RUNX1: variants seen among roughly 807,000 people sequenced by gnomAD.
RUNX1 encodes the protein runt-related transcription factor 1.
Under a neutral mutation model 42.8 loss-of-function variants are expected in RUNX1, and 19 were observed. The ratio of observed to expected loss-of-function variants is 0.44; its 90% CI spans 0.31 to 0.65. The LOEUF (loss-of-function observed/expected upper bound fraction) is 0.65. Among genes scored for constraint, RUNX1 ranks in the 30% least tolerant of loss-of-function variants. The pLI is 0.07. For synonymous variants in RUNX1, 271 were observed against 289.4 expected, an observed-to-expected ratio of 0.94 and a Z score of 0.64; for missense variants, 528 against 672.0, an observed-to-expected ratio of 0.79 and a Z score of 2.37.
chr21:34,826,603 A>AT (rs369414974), intron 7 of RUNX1, among the ~76,000 whole-genome samples: 317 of 143,108 alleles, frequency 2.2e-3, no homozygotes, highest in Middle Eastern at 7.0e-3. Context: ...TGCCCAGCTA[A>AT]TTTTTTTTTT....
At chr21:35,045,982 C>T (rs2059393428) in intron 2 of RUNX1, among the ~76,000 whole-genome samples, 1 of 152,152 alleles carries the variant, frequency 6.6e-6, no homozygotes, top group South Asian at 2.1e-4. Flanking sequence ...ACAAGGCTAC[C>T]TGAGCCATTT....
chr21:34,840,620 C>A (rs1396265556), intron 6 of RUNX1, among the ~76,000 whole-genome samples: 11 of 372 alleles, frequency 0.03, no homozygotes, highest in African/African-American at 0.1. Context: ...AGGCAGACAC[C>A]TGGCTGCGGG....
chr21:35,033,912 C>T (rs1417225172), intron 2 of RUNX1, among the ~76,000 whole-genome samples: 1 of 152,132 alleles, frequency 6.6e-6, no homozygotes, highest in African/African-American at 2.4e-5. Context: ...TTATTACTTC[C>T]AATAATTTTA....
intron 2 of RUNX1, among the ~76,000 whole-genome samples, chr21:34,909,587 T>TAAAAAAAAAAAAAA (rs2058254555): frequency 1.4e-5 from 1 of 71,536 alleles, no homozygotes. Context: ...TCACTGTTCC[T>TAAAAAAAAAAAAAA]CAAAAAAAAA....
chr21:34,837,429 C>T (rs562475664), intron 6 of RUNX1, among the ~76,000 whole-genome samples: 9 of 152,130 alleles, frequency 5.9e-5, no homozygotes, highest in African/African-American at 1.9e-4. Context: ...CAAGCTAGAT[C>T]GAAGGAACAT....
intron 2 of RUNX1, among the ~76,000 whole-genome samples, chr21:34,919,658 TTTC>T (rs2058339393): frequency 1.3e-5 from 2 of 152,226 alleles, no homozygotes; most frequent in African/African-American, 2.4e-5. Context: ...ATAAAAATAC[TTTC>T]TTCTTCGATT....
chr21:34,997,166 G>A (rs1358683302), intron 2 of RUNX1, among the ~76,000 whole-genome samples: 1 of 152,218 alleles, frequency 6.6e-6, no homozygotes, highest in African/African-American at 2.4e-5. Context: ...TGAATTAAAA[G>A]CATGAATGAA....
chr21:35,021,356 CTAAA>C (rs998239709), intron 2 of RUNX1, among the ~76,000 whole-genome samples: 47 of 152,302 alleles, frequency 3.1e-4, no homozygotes, highest in African/African-American at 1.1e-3. Flanking sequence ...TATGAACTAA[CTAAA>C]TAAATGGTCT....
chr21:34,998,873 C>G (rs968313378), intron 2 of RUNX1, among the ~76,000 whole-genome samples: 1 of 152,168 alleles, frequency 6.6e-6, no homozygotes, highest in South Asian at 2.1e-4. Flanking sequence ...AAACCACAAA[C>G]GCTCTCACCC....
chr21:34,874,362 C>A (rs1004739848), intron 5 of RUNX1, among the ~76,000 whole-genome samples: 5 of 151,644 alleles, frequency 3.3e-5, no homozygotes, highest in Non-Finnish European at 7.4e-5. Context: ...GTAATCCCAG[C>A]ACTTTGGGAG....
intron 2 of RUNX1, among the ~76,000 whole-genome samples, chr21:34,943,683 A>G (rs933968144): frequency 6.6e-6 from 1 of 152,170 alleles, no homozygotes; most frequent in African/African-American, 2.4e-5. Flanking sequence ...AGACTCAGAG[A>G]TAAATAAAAT....
At chr21:34,797,290 C>A (rs762068446) in intron 8 of RUNX1, among the ~76,000 whole-genome samples, 3 of 152,228 alleles carry the variant, frequency 2.0e-5, no homozygotes, top group Non-Finnish European at 4.4e-5. Context: ...ATAAAATGTT[C>A]TCTCTTACTC....
chr21:34,863,520 T>C (rs1258204408), intron 5 of RUNX1, among the ~76,000 whole-genome samples: 2 of 152,044 alleles, frequency 1.3e-5, no homozygotes, highest in African/African-American at 4.8e-5. Context: ...TGAATGGTCA[T>C]TATCTGAATT....
chr21:34,988,201 T>G (rs2058906804), intron 2 of RUNX1, among the ~76,000 whole-genome samples: 1 of 152,118 alleles, frequency 6.6e-6, no homozygotes, highest in African/African-American at 2.4e-5. Context: ...CCAAGGAAGA[T>G]CAGAGAAGCC....
At chr21:34,894,476 T>C in intron 2 of RUNX1, among the ~76,000 whole-genome samples, 1 of 151,770 alleles carries the variant, frequency 6.6e-6, no homozygotes, top group East Asian at 1.9e-4. Context: ...ACAGCAAGTG[T>C]GGTTAAATTG....
intron 2 of RUNX1, among the ~76,000 whole-genome samples, chr21:35,002,426 A>ATTTATTTATTAT (rs1555914372): frequency 2.3e-5 from 3 of 129,198 alleles, no homozygotes; most frequent in Admixed American, 7.8e-5. Flanking sequence ...TTATTTATTT[A>ATTTATTTATTAT]TTATTTATTT....
At chr21:34,980,796 T>C (rs1172531442) in intron 2 of RUNX1, among the ~76,000 whole-genome samples, 1 of 152,162 alleles carries the variant, frequency 6.6e-6, no homozygotes, top group East Asian at 1.9e-4. Context: ...GGTTTGTAGG[T>C]AGCAGATAAA....
intron 2 of RUNX1, among the ~76,000 whole-genome samples, chr21:34,932,338 A>G (rs992424031): frequency 1.3e-5 from 2 of 152,190 alleles, no homozygotes; most frequent in African/African-American, 4.8e-5. Context: ...TATATTTTAT[A>G]CATTCTAAGT....
rs78610499 is a variant in RUNX1 at position 34,935,057 on chromosome 21, T to C, written c.59-42094A>G. Among the ~76,000 whole-genome samples, 1,200 of 152,326 alleles carry C rather than the reference T, an allele frequency of 7.9e-3. 8 individuals carry two copies. The highest frequency in any genetic ancestry group is 0.02 in the African/African-American group (826 of 41,572). On this transcript the variant is annotated intron_variant, in intron 2 of 8. Transcript: ENST00000675419. ...CAAAATGTGACATCTTTACATTTAA[T>C]GAATTCTTAACCCAGTGGTATATGT...
Sources: gnomAD v4.1 joint callset for allele counts (sites outside exome capture counted in the v4.1 genomes callset) on GRCh38, gnomAD v4.1.1 for gene constraint, MANE v1.5 for transcripts, NCBI Gene and HGNC (gene_info 2026-07-23, HGNC 2026-07-21) for gene names.